The following ELK4 variants were observed in gnomAD, a reference collection of about 807,000 sequenced individuals.
ELK4 encodes the protein ETS domain-containing protein Elk-4.
A neutral mutation model predicts 29.6 loss-of-function variants in ELK4; 16 were observed. That is an observed-to-expected ratio of 0.54 (90% confidence interval 0.37 to 0.82). The LOEUF (loss-of-function observed/expected upper bound fraction) is 0.82, where lower values mean the gene tolerates loss of function less well. ELK4 is among the 40% of genes least tolerant of loss of function. The probability of loss-of-function intolerance (pLI) is 0.00; values close to 1 mark genes in which losing one functional copy is unlikely to be tolerated. For missense variants in ELK4, 465 were observed against 507.1 expected, an observed-to-expected ratio of 0.92 and a Z score of 0.80; for synonymous variants, 213 against 191.1, an observed-to-expected ratio of 1.11 and a Z score of -0.95.
At chr1:205,617,838 T>A (rs145964752) in intron 4 of ELK4, among the ~76,000 whole-genome samples, 2,261 of 151,978 alleles carry the variant, frequency 0.015, 56 homozygotes, top group African/African-American at 0.051. Flanking sequence ...GAGGCAGAGG[T>A]TGCAGTGAGC....
At chr1:205,627,449 C>T (rs987601062) in intron 1 of ELK4, among the ~76,000 whole-genome samples, 5 of 151,540 alleles carry the variant, frequency 3.3e-5, no homozygotes, top group African/African-American at 1.2e-4. Flanking sequence ...GCAGAGTTTG[C>T]AGTGAGCTGA....
Position 205,620,353 on chromosome 1 carries a change from T to G in ELK4, c.693A>C (p.Pro231=). Residue 231 remains proline, a synonymous_variant, in exon 3 of 5, where the codon CCA becomes CCC. Coordinates refer to ENST00000357992, the MANE Select transcript of ELK4 (RefSeq NM_001973.4). The part of the protein sequence containing the change: ...TIQALETLVS[P]KLPSLEAPTS... ...TTGGGGCTTCCAGGGAAGGCAGTTT[T>G]GGGGAAACCAATGTCTCCAAAGCTT... 2 of 1,614,184 alleles carry G rather than the reference T, an allele frequency of 1.2e-6. No homozygotes were observed. Among genetic ancestry groups the G allele is most frequent in the Non-Finnish European group, 1.7e-6 (2 of 1,180,028 alleles).
chr1:205,623,413 G>A lies in ELK4; in HGVS notation c.207+263C>T, dbSNP rs187298268. ...CAACCTCCGCCTCCCGGGTTCAAAC[G>A]ATTCTCCTGCCTCAGCCTCCTGAGT... is the stretch of plus-strand genomic sequence containing the variant. On this transcript the variant is annotated intron_variant, in intron 2 of 4. Coordinates refer to ENST00000357992, the MANE Select transcript of ELK4 (RefSeq NM_001973.4). Among the ~76,000 whole-genome samples, 1,089 of 149,818 alleles carry A rather than the reference G, an allele frequency of 7.3e-3. 14 individuals carry two copies. The highest frequency in any genetic ancestry group is 0.025 in the African/African-American group (1,031 of 40,712).
At chr1:205,631,435 G>GGTGCGCTGCGGCGTCCACCT (rs1670584522) in intron 1 of ELK4, among the ~76,000 whole-genome samples, 197 bp downstream of exon 1, 1 of 151,478 alleles carries the variant, frequency 6.6e-6, no homozygotes, top group Admixed American at 6.6e-5. Context: ...AGAGCTGAGC[G>GGTGCGCTGCGGCGTCCACCT]GTGCGCTGCG....
At chr1:205,630,090 A>G (rs544803294) in intron 1 of ELK4, among the ~76,000 whole-genome samples, 2 of 151,014 alleles carry the variant, frequency 1.3e-5, no homozygotes, top group Non-Finnish European at 2.9e-5. Flanking sequence ...TATTCTTGTT[A>G]CCTATCAAAA....
chr1:205,612,472 T>A lies in ELK4; in HGVS notation c.*4074A>T, dbSNP rs923566108. 4.7e-6 allele frequency: 1 copy of A among 214,538 alleles called. No homozygotes were observed. The highest frequency in any genetic ancestry group is 5.8e-5 in the Admixed American group (1 of 17,146). 13.3% of individuals were successfully genotyped at this position (214,538 alleles called of 1,614,324 possible). A position where few individuals can be genotyped will look rare whatever the true frequency, so the allele number is the denominator to read the frequency against. Reference sequence around the variant, plus strand: ...CACATATTACTTTGGTATAGCGGTATATAATTTAACATATACCCATATGAA... The same window carrying A: ...CACATATTACTTTGGTATAGCGGTAAATAATTTAACATATACCCATATGAA... On this transcript the variant is annotated 3_prime_UTR_variant, in exon 5 of 5. Transcript: ENST00000357992.
At chr1:205,628,047 T>C (rs185416013) in intron 1 of ELK4, among the ~76,000 whole-genome samples, 74 of 152,276 alleles carry the variant, frequency 4.9e-4, no homozygotes, top group Non-Finnish European at 1.0e-3. Context: ...ATATCGCTAA[T>C]TGATTGTAAA....
chr1:205,622,830 G>T (rs190242746), intron 2 of ELK4, among the ~76,000 whole-genome samples: 2 of 152,296 alleles, frequency 1.3e-5, no homozygotes, highest in East Asian at 3.9e-4. Context: ...TGTAATGGGA[G>T]TAAGTTAATA....
chr1:205,628,236 T>A (rs962000152), intron 1 of ELK4, among the ~76,000 whole-genome samples: 1 of 152,238 alleles, frequency 6.6e-6, no homozygotes, highest in African/African-American at 2.4e-5. Flanking sequence ...CCCTGTTATG[T>A]CTCTTGAGTT....
In ELK4 at chr1:205,620,364, A is replaced by G; in HGVS notation, c.682T>C (p.Leu228=). ...SEETIQALET[L]VSPKLPSLEA... is the part of the protein sequence containing the mutation. ...AGGGAAGGCAGTTTTGGGGAAACCAATGTCTCCAAAGCTTGGATAGTTTCT... is the reference window on the plus strand; with the variant it reads ...AGGGAAGGCAGTTTTGGGGAAACCAGTGTCTCCAAAGCTTGGATAGTTTCT... The change falls in exon 3 of 5, where the codon TTG becomes CTG. Residue 228 remains leucine (L), a synonymous_variant. Coordinates refer to ENST00000357992, the MANE Select transcript of ELK4 (RefSeq NM_001973.4). The G allele has an allele frequency of 1.2e-6, 2 of 1,614,184 alleles. No homozygotes were observed. Among genetic ancestry groups the G allele is most frequent in the East Asian group, 2.2e-5 (1 of 44,880 alleles).
At position 205,612,336 on chromosome 1, in the gene ELK4, G is replaced by A. The variant is rs1278367841; in HGVS notation, c.*4210C>T. On this transcript the variant is annotated 3_prime_UTR_variant, in exon 5 of 5. Transcript: ENST00000357992. ...TTTAGGAAAAGCGTGTGCTTCTGGA[G>A]GGTGCACAAGACAACCAACTGGGGT... The A allele has an allele frequency of 4.7e-6, 1 of 213,836 alleles. No individual in the cohort carries two copies. The highest frequency in any genetic ancestry group is 9.4e-6 in the Non-Finnish European group (1 of 105,994). The allele number at this position is 213,836 out of a possible 1,614,324, so 13.2% of individuals were successfully genotyped here.
chr1:205,617,901 CA>C (rs1008478512), intron 4 of ELK4, among the ~76,000 whole-genome samples: 7 of 150,590 alleles, frequency 4.6e-5, no homozygotes, highest in African/African-American at 9.8e-5. Context: ...AACTCCGCCT[CA>C]AAAAAAAATT....
chr1:205,631,554 T>TCGGCCC (rs1211634747), intron 1 of ELK4, 78 bp downstream of exon 1: 2 of 155,092 alleles, frequency 1.3e-5, no homozygotes, highest in African/African-American at 2.5e-5. Flanking sequence ...CGCGCGCCCC[T>TCGGCCC]CGGCCCCCGC....
intron 1 of ELK4, among the ~76,000 whole-genome samples, chr1:205,629,469 C>T (rs1203051239): frequency 6.6e-6 from 1 of 152,128 alleles, no homozygotes; most frequent in African/African-American, 2.4e-5. Flanking sequence ...CATACGCCTA[C>T]CATCCCAGCA....
rs1043099887 is a variant in ELK4 at position 205,615,871 on chromosome 1, G to A, written c.*675C>T. 3 of 213,748 alleles carry A rather than the reference G, an allele frequency of 1.4e-5. No homozygotes were observed. Among genetic ancestry groups the A allele is most frequent in the Non-Finnish European group, 2.8e-5 (3 of 105,776 alleles). The allele number at this position is 213,748 out of a possible 1,614,324, so 13.2% of individuals were successfully genotyped here. A position where few individuals can be genotyped will look rare whatever the true frequency, so the allele number is the denominator to read the frequency against. On this transcript the variant is annotated 3_prime_UTR_variant, in exon 5 of 5. Coordinates refer to ENST00000357992, the MANE Select transcript of ELK4 (RefSeq NM_001973.4). Reference sequence around the variant, plus strand: ...GTGAAATAGACTAGCTCCATGCTCTGTTGACAGGTTCAGACAGGATCATAC... The same window carrying A: ...GTGAAATAGACTAGCTCCATGCTCTATTGACAGGTTCAGACAGGATCATAC...
chr1:205,621,724 G>A (rs1302229087), intron 2 of ELK4, among the ~76,000 whole-genome samples: 2 of 151,900 alleles, frequency 1.3e-5, no homozygotes, highest in African/African-American at 4.8e-5. Context: ...TTGCCATGTT[G>A]GCCAGGCTGG....
Position 205,619,955 on chromosome 1 carries a change from G to C in ELK4, c.1080+11C>G. On this transcript the variant is annotated intron_variant, in intron 3 of 4. Coordinates refer to ENST00000357992, the MANE Select transcript of ELK4 (RefSeq NM_001973.4). ...AAGCAATGGTGACACCATAAAGAGC[G>C]AGCAAGCTACCTGTGAAAAAAATGC... 1.2e-6 allele frequency: 2 copies of C among 1,614,182 alleles called. No individual in the cohort carries two copies. Among genetic ancestry groups the C allele is most frequent in the Non-Finnish European group, 8.5e-7 (1 of 1,180,028 alleles).
chr1:205,619,271 A>T, intron 3 of ELK4, 198 bp from the exon 4 acceptor site: 1 of 1,045,130 alleles, frequency 9.6e-7, no homozygotes, highest in Non-Finnish European at 1.2e-6. Flanking sequence ...TAACTACTTA[A>T]AATTTTTTAA....
At chr1:205,629,103 G>C (rs966233564) in intron 1 of ELK4, among the ~76,000 whole-genome samples, 1 of 148,760 alleles carries the variant, frequency 6.7e-6, no homozygotes, top group Non-Finnish European at 1.5e-5. Context: ...CCCGAGAGGC[G>C]GAGCTTGCAG....
Sources: gnomAD v4.1 joint callset for allele counts (sites outside exome capture counted in the v4.1 genomes callset) on GRCh38, gnomAD v4.1.1 for gene constraint, MANE v1.5 for transcripts, NCBI Gene and HGNC (gene_info 2026-07-23, HGNC 2026-07-21) for gene names.